The following PVT1 variants were observed in gnomAD, a reference collection of about 807,000 sequenced individuals.
PVT1 encodes CXCR4/PVT1 fusion.
At chr8:127,832,341 T>A (rs773942876) in intron 2 of PVT1, among the ~76,000 whole-genome samples, 4 of 152,204 alleles carry the variant, frequency 2.6e-5, no homozygotes, top group Non-Finnish European at 5.9e-5. Context: ...GATCATGACC[T>A]TCTCTTCCTT....
At chr8:128,036,552 G>C (rs1056687900) in intron 4 of PVT1, among the ~76,000 whole-genome samples, 2 of 152,158 alleles carry the variant, frequency 1.3e-5, no homozygotes, top group Non-Finnish European at 2.9e-5. Context: ...CAGCGCTTCT[G>C]GGGGGCTGGG....
chr8:127,837,339 G>A (rs1035760567), intron 2 of PVT1, among the ~76,000 whole-genome samples: 8 of 151,956 alleles, frequency 5.3e-5, no homozygotes, highest in African/African-American at 1.9e-4. Flanking sequence ...AGAAGGCCGG[G>A]GGTGGGCCTC....
intron 4 of PVT1, among the ~76,000 whole-genome samples, chr8:128,013,100 A>G (rs950902495): frequency 6.6e-6 from 1 of 152,144 alleles, no homozygotes; most frequent in African/African-American, 2.4e-5. Flanking sequence ...ATTTGAGGTC[A>G]TAGTCTATGG....
At chr8:127,831,270 TAGAG>T (rs888464247) in intron 2 of PVT1, among the ~76,000 whole-genome samples, 7 of 151,182 alleles carry the variant, frequency 4.6e-5, no homozygotes, top group Non-Finnish European at 1.0e-4. Flanking sequence ...CTGGACAACT[TAGAG>T]AGACCTTGTC....
At chr8:128,039,791 C>T (rs1004046545) in intron 4 of PVT1, among the ~76,000 whole-genome samples, 1 of 152,116 alleles carries the variant, frequency 6.6e-6, no homozygotes, top group Non-Finnish European at 1.5e-5. Flanking sequence ...AATCAGGAGG[C>T]TATTGTGGTA....
intron 3 of PVT1, among the ~76,000 whole-genome samples, chr8:127,985,320 C>A (rs1372817299): frequency 6.6e-6 from 1 of 151,992 alleles, no homozygotes. Flanking sequence ...GCGTGAGCCA[C>A]CGCGCCCAGC....
chr8:127,840,746 C>T (rs546372115), intron 2 of PVT1, among the ~76,000 whole-genome samples: 24 of 152,072 alleles, frequency 1.6e-4, no homozygotes, highest in African/African-American at 5.3e-4. Flanking sequence ...AGGGTGGCAC[C>T]GAACTGGTCC....
chr8:127,923,600 T>C (rs1816091553), intron 3 of PVT1, among the ~76,000 whole-genome samples: 1 of 152,280 alleles, frequency 6.6e-6, no homozygotes, highest in East Asian at 1.9e-4. Flanking sequence ...AAGGAAGATG[T>C]CTCCCCAACA....
chr8:127,995,431 T>C (rs57234405), intron 4 of PVT1, among the ~76,000 whole-genome samples: 1 of 152,352 alleles, frequency 6.6e-6, no homozygotes, highest in East Asian at 1.9e-4. Flanking sequence ...TTGAAACCTA[T>C]TGGACTGCTT....
intron 5 of PVT1, among the ~76,000 whole-genome samples, chr8:128,093,556 TTAAAAAA>T (rs1270446285): frequency 2.0e-5 from 3 of 151,828 alleles, no homozygotes; most frequent in African/African-American, 7.2e-5. Context: ...AGACTTTGTC[TTAAAAAA>T]TAAAAAATAA....
chr8:127,839,742 CTG>C (rs1288564759), intron 2 of PVT1, among the ~76,000 whole-genome samples: 5 of 152,052 alleles, frequency 3.3e-5, no homozygotes, highest in Admixed American at 6.6e-5. Context: ...AAGGAAGAGA[CTG>C]TGGACAGAGG....
At chr8:128,099,735 T>C (rs140857832) in intron 6 of PVT1, 10 of 152,364 alleles carry the variant, frequency 6.6e-5, no homozygotes, top group African/African-American at 1.9e-4. Flanking sequence ...CAGTACAGTT[T>C]CTATGTACAT....
At chr8:128,093,732 G>C (rs1814390797) in intron 5 of PVT1, among the ~76,000 whole-genome samples, 1 of 151,820 alleles carries the variant, frequency 6.6e-6, no homozygotes, top group Non-Finnish European at 1.5e-5. Context: ...CCGCCTCCCA[G>C]GTTCAAGCGA....
At chr8:127,848,902 A>C (rs1442562945) in intron 2 of PVT1, among the ~76,000 whole-genome samples, 2 of 152,230 alleles carry the variant, frequency 1.3e-5, no homozygotes, top group Admixed American at 1.3e-4. Flanking sequence ...GAGGAGGTCC[A>C]GGCCTAGAGA....
chr8:127,836,493 G>A (rs892937687), intron 2 of PVT1, among the ~76,000 whole-genome samples: 1 of 152,104 alleles, frequency 6.6e-6, no homozygotes, highest in East Asian at 1.9e-4. Flanking sequence ...TTAGGTCAAG[G>A]CTGAACCATG....
intron 3 of PVT1, among the ~76,000 whole-genome samples, chr8:127,902,093 A>G (rs1362633559): frequency 1.3e-5 from 2 of 152,210 alleles, no homozygotes; most frequent in African/African-American, 4.8e-5. Flanking sequence ...AGAGAGCCCC[A>G]TAACCCTCCA....
chr8:127,816,979 C>T (rs190821030), intron 2 of PVT1, among the ~76,000 whole-genome samples: 98 of 152,282 alleles, frequency 6.4e-4, no homozygotes, highest in Non-Finnish European at 8.8e-5. Flanking sequence ...GATCTGTTCT[C>T]CAAGGACATG....
At chr8:128,015,521 A>G (rs1237746621) in intron 4 of PVT1, among the ~76,000 whole-genome samples, 3 of 151,946 alleles carry the variant, frequency 2.0e-5, no homozygotes, top group African/African-American at 7.3e-5. Context: ...CACGTCTGTA[A>G]CCCCAGCACT....
chr8:127,983,503 C>G (rs934754463), intron 3 of PVT1, among the ~76,000 whole-genome samples: 2 of 152,058 alleles, frequency 1.3e-5, no homozygotes, highest in Non-Finnish European at 2.9e-5. Context: ...TAATTTAAAA[C>G]TTGCAGAAAA....
Sources: gnomAD v4.1 joint callset for allele counts (sites outside exome capture counted in the v4.1 genomes callset) on GRCh38, gnomAD v4.1.1 for gene constraint, MANE v1.5 for transcripts, NCBI Gene and HGNC (gene_info 2026-07-23, HGNC 2026-07-21) for gene names.